The following ZFAT variants were observed in gnomAD, a reference collection of about 807,000 sequenced individuals.
ZFAT encodes zinc finger and AT-hook domain containing.
In ZFAT, 64 loss-of-function variants were observed where a neutral mutation model predicts 117.7. That is an observed-to-expected ratio of 0.54 (90% CI 0.44 to 0.67). The LOEUF is 0.67. Ranked by LOEUF, ZFAT falls within the 30% of genes least tolerant of loss-of-function variation. ZFAT has a pLI of 0.00. For synonymous variants in ZFAT, 679 were observed against 615.0 expected (o/e 1.10, Z -1.54); for missense variants, 1,433 against 1,584.5 (o/e 0.90, Z 1.62).
chr8:134,647,731 A>G (rs1830982864), intron 2 of ZFAT, among the ~76,000 whole-genome samples: 1 of 152,226 alleles, frequency 6.6e-6, no homozygotes, highest in African/African-American at 2.4e-5. Flanking sequence ...CACAAAAACA[A>G]CTGAAAAAGA....
chr8:134,484,617 C>A (rs888039885), intron 15 of ZFAT, among the ~76,000 whole-genome samples: 1 of 152,132 alleles, frequency 6.6e-6, no homozygotes, highest in African/African-American at 2.4e-5. Context: ...AAATAGAGCA[C>A]AGATTTTTTG....
the ZFAT span, among the ~76,000 whole-genome samples, chr8:134,759,982 A>C: frequency 4.8e-4 from 71 of 148,958 alleles, no homozygotes; most frequent in East Asian, 5.1e-3. Flanking sequence ...AAAAAAAAAA[A>C]AAAAAAAACA....
At chr8:134,518,626 T>A (rs1358046246) in intron 13 of ZFAT, among the ~76,000 whole-genome samples, 1 of 152,070 alleles carries the variant, frequency 6.6e-6, no homozygotes, top group African/African-American at 2.4e-5. Flanking sequence ...ATCTTTCTCA[T>A]CACTATTTTT....
intron 12 of ZFAT, among the ~76,000 whole-genome samples, chr8:134,522,148 G>A (rs1181962344): frequency 6.6e-6 from 1 of 152,236 alleles, no homozygotes; most frequent in African/African-American, 2.4e-5. Context: ...CCCAAGTGGA[G>A]GCTGCTCATG....
chr8:134,581,382 C>T (rs1563874723), intron 10 of ZFAT, among the ~76,000 whole-genome samples: 1 of 152,140 alleles, frequency 6.6e-6, no homozygotes, highest in Non-Finnish European at 1.5e-5. Context: ...CTCCTATTTC[C>T]ATCCCTTTTG....
At chr8:134,567,473 ATC>A (rs1348017157) in intron 10 of ZFAT, among the ~76,000 whole-genome samples, 3 of 151,688 alleles carry the variant, frequency 2.0e-5, no homozygotes, top group Non-Finnish European at 4.4e-5. Flanking sequence ...CCATCCATCC[ATC>A]CATCCATCCA....
At chr8:134,493,900 A>G (rs1013946966) in intron 15 of ZFAT, among the ~76,000 whole-genome samples, 1 of 152,214 alleles carries the variant, frequency 6.6e-6, no homozygotes, top group Non-Finnish European at 1.5e-5. Context: ...ACCCCAGGAG[A>G]TATTTCAAAG....
chr8:134,589,140 A>G (rs1826269369), intron 8 of ZFAT, among the ~76,000 whole-genome samples: 1 of 152,250 alleles, frequency 6.6e-6, no homozygotes, highest in African/African-American at 2.4e-5. Flanking sequence ...CTGGAATAAA[A>G]AGCTTAAAAT....
At chr8:134,648,314 A>G (rs1447508835) in intron 2 of ZFAT, among the ~76,000 whole-genome samples, 1 of 151,920 alleles carries the variant, frequency 6.6e-6, no homozygotes, top group Admixed American at 6.6e-5. Flanking sequence ...CAGAAATAAT[A>G]ATGCCTAGAA....
intron 13 of ZFAT, among the ~76,000 whole-genome samples, chr8:134,513,723 G>C (rs73357574): frequency 6.6e-6 from 1 of 152,238 alleles, no homozygotes; most frequent in African/African-American, 2.4e-5. Flanking sequence ...CAATCAAGAA[G>C]AACAAAAAGA....
chr8:134,716,196 T>C (rs1211135138), upstream of ZFAT, among the ~76,000 whole-genome samples: 1 of 151,458 alleles, frequency 6.6e-6, no homozygotes, highest in African/African-American at 2.4e-5. Context: ...TATATATATA[T>C]GCATATGTAT....
chr8:134,549,089 G>C (rs1822925115), intron 11 of ZFAT, among the ~76,000 whole-genome samples: 1 of 152,164 alleles, frequency 6.6e-6, no homozygotes. Context: ...TAAAGCTTGT[G>C]ACTCTTCCAG....
intron 15 of ZFAT, among the ~76,000 whole-genome samples, chr8:134,504,464 A>G: frequency 6.6e-6 from 1 of 152,226 alleles, no homozygotes; most frequent in Admixed American, 6.5e-5. Flanking sequence ...GGCACGGTGC[A>G]GTAGCTGGCT....
intron 1 of ZFAT, 41 bp downstream of exon 1, chr8:134,712,804 C>A (rs1563780945): frequency 1.1e-6 from 1 of 937,520 alleles, no homozygotes; most frequent in Non-Finnish European, 1.6e-6. Context: ...CGCCGCGCCC[C>A]ACCCCCACCC....
At chr8:134,565,709 G>A (rs185964629) in intron 10 of ZFAT, 14 of 492,546 alleles carry the variant, frequency 2.8e-5, no homozygotes, top group Non-Finnish European at 4.4e-5. Context: ...GAGTAAGGGT[G>A]TGTCCAGCTG....
At chr8:134,635,461 G>A (rs1455069105) in intron 3 of ZFAT, among the ~76,000 whole-genome samples, 1 of 152,170 alleles carries the variant, frequency 6.6e-6, no homozygotes, top group East Asian at 1.9e-4. Flanking sequence ...GAAAATGATC[G>A]GAGAGAACTA....
At chr8:134,720,727 T>C in the ZFAT span, among the ~76,000 whole-genome samples, 1 of 152,260 alleles carries the variant, frequency 6.6e-6, no homozygotes. Context: ...GCAAATACTC[T>C]GTTCTGCTCT....
At chr8:134,480,241 C>CTAT (rs1335455628) in intron 15 of ZFAT, among the ~76,000 whole-genome samples, 1 of 152,240 alleles carries the variant, frequency 6.6e-6, no homozygotes, top group Non-Finnish European at 1.5e-5. Flanking sequence ...GGATTACAGG[C>CTAT]ATAAGCCACT....
At chr8:134,648,781 A>G (rs1831047212) in intron 2 of ZFAT, among the ~76,000 whole-genome samples, 1 of 152,158 alleles carries the variant, frequency 6.6e-6, no homozygotes, top group Non-Finnish European at 1.5e-5. Context: ...TTCTCAAGTC[A>G]TGCTATGAGG....
Sources: allele counts gnomAD v4.1 joint callset (sites outside exome capture counted in the v4.1 genomes callset), GRCh38; gene constraint gnomAD v4.1.1; transcripts MANE v1.5; gene names NCBI Gene and HGNC (gene_info 2026-07-23, HGNC 2026-07-21).